Variants in PLEKHG4B observed in about 807,000 individuals in gnomAD.
The protein encoded by PLEKHG4B is pleckstrin homology and RhoGEF domain containing G4B.
A neutral mutation model predicts 121.3 loss-of-function variants in PLEKHG4B; 111 were observed. The observed-to-expected ratio is 0.92, with a 90% CI of 0.78 to 1.07. The LOEUF (loss-of-function observed/expected upper bound fraction) is 1.07, where lower values mean the gene tolerates loss of function less well. PLEKHG4B is among the 50% of genes least tolerant of loss of function. The pLI, the probability that PLEKHG4B is intolerant of heterozygous loss-of-function variation, is 0.00. For missense variants in PLEKHG4B, 1,831 were observed against 1,757.8 expected (o/e 1.04, Z -0.74); for synonymous variants, 738 against 725.0 (o/e 1.02, Z -0.29).
In PLEKHG4B at chr5:162,765, C is replaced by A; in HGVS notation, c.2693C>A (p.Ser898Tyr). Reference sequence around the variant, plus strand: ...CCCCTGGACCCGGAGGCTTGTCCCTCCTCACCCGTGGCTGAGTGTTTGAGG... The same window carrying A: ...CCCCTGGACCCGGAGGCTTGTCCCTACTCACCCGTGGCTGAGTGTTTGAGG... ...MGPLDPEACPSSPVAECLRSC... is the reference protein window; with the variant it reads ...MGPLDPEACPYSPVAECLRSC... Residue 898 changes from serine to tyrosine, a missense_variant, in exon 13 of 20, where the codon TCC (serine) becomes TAC (tyrosine). Coordinates refer to ENST00000637938, the MANE Select transcript of PLEKHG4B (RefSeq NM_052909.5). 6.8e-7 allele frequency: 1 copy of A among 1,476,230 alleles called. No individual in the cohort carries two copies. The highest frequency in any genetic ancestry group is 9.0e-7 in the Non-Finnish European group (1 of 1,114,546). The allele number at this position is 1,476,230 out of a possible 1,614,324, so 91.4% of individuals were successfully genotyped here.
rs546927647 is a variant in PLEKHG4B, at chr5:164,513, T to A, written c.3476+965T>A. ...CTAATGCTCTGACAGGGGGCGGAGC[T>A]CACACAGTAATGCTGTGACAGGGGG... On this transcript the variant is annotated intron_variant, in intron 13 of 19. Transcript: ENST00000637938. 3.3e-5 allele frequency among the ~76,000 whole-genome samples: 3 copies of A among 90,080 alleles called. 1 individual carries two copies. In the South Asian group the frequency reaches 1.0e-3, roughly 30 times the overall value. 59.1% of individuals were successfully genotyped at this position (90,080 alleles called of 152,430 possible). A position where few individuals can be genotyped will look rare whatever the true frequency, so the allele number is the denominator to read the frequency against.
At chr5:105,832 A>G (rs1435449584) in intron 1 of PLEKHG4B, among the ~76,000 whole-genome samples, 2 of 152,160 alleles carry the variant, frequency 1.3e-5, no homozygotes, top group African/African-American at 4.8e-5. Context: ...GTTGTTATCA[A>G]CTGCTCTCCT....
intron 18 of PLEKHG4B, among the ~76,000 whole-genome samples, chr5:178,984 T>C (rs1404305654): frequency 6.6e-6 from 1 of 152,256 alleles, no homozygotes; most frequent in Non-Finnish European, 1.5e-5. Flanking sequence ...TTAACTTTTA[T>C]TGTTAATTGC....
intron 5 of PLEKHG4B, chr5:144,038 G>A (rs1735320836): frequency 6.4e-6 from 1 of 155,970 alleles, no homozygotes; most frequent in South Asian, 2.0e-4. Flanking sequence ...CAATCTCCTG[G>A]GCTAAAGCGA....
intron 13 of PLEKHG4B, among the ~76,000 whole-genome samples, chr5:165,745 T>C (rs371650577): frequency 7.8e-5 from 2 of 25,774 alleles, no homozygotes; most frequent in Admixed American, 5.1e-4. Context: ...CTCACACTAA[T>C]GCTCTGACGG....
chr5:181,813 C>A, intron 19 of PLEKHG4B, 138 bp downstream of exon 19: 1 of 1,302,328 alleles, frequency 7.7e-7, no homozygotes, highest in Non-Finnish European at 1.1e-6. Context: ...GACACGGGTA[C>A]GGTGGCCTCG....
At chr5:164,911 C>CAG (rs1396017872) in intron 13 of PLEKHG4B, among the ~76,000 whole-genome samples, 7 of 46,274 alleles carry the variant, frequency 1.5e-4, no homozygotes, top group African/African-American at 5.0e-4. Flanking sequence ...AATGCTGTGA[C>CAG]GGGGCGGAGC....
chr5:111,852 C>G (rs1223446840), intron 1 of PLEKHG4B, among the ~76,000 whole-genome samples: 1 of 152,094 alleles, frequency 6.6e-6, no homozygotes, highest in Non-Finnish European at 1.5e-5. Context: ...ATCCTGGTGC[C>G]CGATGTGGGT....
At chr5:120,985 G>A (rs1466523193) in intron 2 of PLEKHG4B, among the ~76,000 whole-genome samples, 1 of 152,160 alleles carries the variant, frequency 6.6e-6, no homozygotes, top group Non-Finnish European at 1.5e-5. Context: ...GGTGGCTCAC[G>A]CCTGTAATCC....
In PLEKHG4B at chr5:169,429, C is replaced by A. The variant is rs1213061849; in HGVS notation, c.3566C>A (p.Pro1189Gln). 6.2e-7 allele frequency: 1 copy of A among 1,614,192 alleles called. No individual in the cohort carries two copies. Among genetic ancestry groups the A allele is most frequent in the East Asian group, 2.2e-5 (1 of 44,886 alleles). ...CLGYVIDNYF[P>Q]EMERMDLPQG... is the part of the protein sequence containing the mutation. Reference sequence around the variant, plus strand: ...GGATACGTCATTGACAACTATTTTCCAGAAATGGAAAGAATGGACTTGCCC... The same window carrying A: ...GGATACGTCATTGACAACTATTTTCAAGAAATGGAAAGAATGGACTTGCCC... Residue 1189 changes from proline to glutamine, a missense_variant, in exon 14 of 20, where the codon CCA (proline) becomes CAA (glutamine). By Grantham distance (76) the Pro-to-Gln change is moderately conservative (BLOSUM62 -1). Coordinates refer to ENST00000637938, the MANE Select transcript of PLEKHG4B (RefSeq NM_052909.5).
chr5:136,187 C>T (rs2126391209), intron 2 of PLEKHG4B, among the ~76,000 whole-genome samples: 1 of 152,234 alleles, frequency 6.6e-6, no homozygotes, highest in Non-Finnish European at 1.5e-5. Flanking sequence ...GGATCAAAGA[C>T]CTAAATGTCA....
Position 182,278 on chromosome 5 carries a change from T to G in PLEKHG4B, c.4839T>G (p.Cys1613Trp). The G allele has an allele frequency of 3.1e-6, 5 of 1,612,600 alleles. No individual in the cohort carries two copies. Among genetic ancestry groups the G allele is most frequent in the Non-Finnish European group, 4.2e-6 (5 of 1,179,848 alleles). Residue 1613 changes from cysteine (C) to tryptophan (W), a missense_variant, in exon 20 of 20, where the codon TGT becomes TGG. Transcript: ENST00000637938. ...AGACGGGCACCCAGGCTGCAGTGTG[T>G]GAGGGGGCTCCTGCTGTGCTGCTGA... Reference protein sequence around the residue: ...ELETGTQAAVCEGAPAVLLSR... With the variant: ...ELETGTQAAVWEGAPAVLLSR...
chr5:150,120 A>G (rs548158372), intron 6 of PLEKHG4B, among the ~76,000 whole-genome samples: 8 of 152,378 alleles, frequency 5.3e-5, no homozygotes, highest in Admixed American at 2.0e-4. Context: ...CTTAGTGCCC[A>G]TCAACAGATG....
chr5:125,653 A>G (rs1423092714), intron 2 of PLEKHG4B, among the ~76,000 whole-genome samples: 1 of 152,220 alleles, frequency 6.6e-6, no homozygotes, highest in African/African-American at 2.4e-5. Context: ...AGCCATTGTT[A>G]CAATAATACT....
In PLEKHG4B at chr5:183,983, A is replaced by AGATCGATCGATC. The variant is rs770768423; in HGVS notation, c.*1663_*1664insCGATCGATCGAT. On this transcript the variant is annotated 3_prime_UTR_variant, in exon 20 of 20. Coordinates refer to ENST00000637938, the MANE Select transcript of PLEKHG4B (RefSeq NM_052909.5). ...TATATATACAGACAGATAGATAGAT[A>AGATCGATCGATC]GATAGATCGATAGATAGATAGATAG... 2.3e-4 allele frequency: 19 copies of AGATCGATCGATC among 83,150 alleles called. No homozygotes were observed. Among genetic ancestry groups the AGATCGATCGATC allele is most frequent in the African/African-American group, 8.4e-4 (15 of 17,752 alleles). 5.2% of individuals were successfully genotyped at this position (83,150 alleles called of 1,614,324 possible).
intron 5 of PLEKHG4B, 80 bp downstream of exon 5, chr5:143,583 G>C (rs1735306130): frequency 1.2e-5 from 19 of 1,550,934 alleles, no homozygotes; most frequent in Non-Finnish European, 1.1e-5. Flanking sequence ...GGGGCACGGG[G>C]AGGTGCCAGC....
Position 140,321 on chromosome 5 carries a change from G to A in PLEKHG4B, c.1082G>A (p.Arg361Gln), listed in dbSNP as rs371388110. The part of the protein sequence containing the change: ...WFRESYMEAL[R>Q]NPMPLGSSEE... Reference sequence around the variant, plus strand: ...AGGGAGTCGTACATGGAAGCCTTGCGGAACCCCATGCCCCTGGGCAGCTCT... The same window carrying A: ...AGGGAGTCGTACATGGAAGCCTTGCAGAACCCCATGCCCCTGGGCAGCTCT... Residue 361 changes from arginine (R) to glutamine (Q), a missense_variant, in exon 3 of 20, where the codon CGG (arginine) becomes CAG (glutamine). Physicochemically the swap from Arg to Gln is conservative, Grantham distance 43. Coordinates refer to ENST00000637938, the MANE Select transcript of PLEKHG4B (RefSeq NM_052909.5). 5.0e-5 allele frequency: 76 copies of A among 1,514,278 alleles called. No homozygotes were observed. Among genetic ancestry groups the A allele is most frequent in the Middle Eastern group, 1.8e-4 (1 of 5,476 alleles). 93.8% of individuals were successfully genotyped at this position (1,514,278 alleles called of 1,614,324 possible).
rs1410213839 is a variant in PLEKHG4B at position 156,677 on chromosome 5, G to A, written c.2349-96G>A. 18 of 1,440,344 alleles carry A rather than the reference G, an allele frequency of 1.2e-5. No homozygotes were observed. Among genetic ancestry groups the A allele is most frequent in the Middle Eastern group, 5.1e-4 (2 of 3,956 alleles). The allele number at this position is 1,440,344 out of a possible 1,614,324, so 89.2% of individuals were successfully genotyped here. A position where few individuals can be genotyped will look rare whatever the true frequency, so the allele number is the denominator to read the frequency against. The stretch of plus-strand genomic sequence containing the variant: ...GCTCCCGTTGCCTTGTGGCATGAGG[G>A]AATGGAAAGAGCAGGGTTTTTATAT... On this transcript the variant is annotated intron_variant, in intron 10 of 19. Transcript: ENST00000637938. The surrounding 1 kb of genome is among the most constrained non-coding windows in gnomAD (Gnocchi z 4.4).
chr5:164,717 A>G (rs756750418), intron 13 of PLEKHG4B, among the ~76,000 whole-genome samples: 510 of 39,240 alleles, frequency 0.013, 9 homozygotes, highest in Non-Finnish European at 0.016. Context: ...GACGGGGCGG[A>G]GCTCACACTA....
Sources: allele counts gnomAD v4.1 joint callset (sites outside exome capture counted in the v4.1 genomes callset), GRCh38; gene constraint gnomAD v4.1.1; non-coding constraint Gnocchi (gnomAD v3.1); transcripts MANE v1.5; gene names NCBI Gene and HGNC (gene_info 2026-07-23, HGNC 2026-07-21).